The following AFG2A variants were observed in gnomAD, a reference collection of about 807,000 sequenced individuals.
The protein encoded by AFG2A is ATPase family gene 2 protein homolog A.
chr4:122,953,464 C>T, the AFG2A span, among the ~76,000 whole-genome samples: 3 of 152,316 alleles, frequency 2.0e-5, no homozygotes, highest in South Asian at 2.1e-4. Context: ...TATTCTTAGG[C>T]GACCAATATA....
the AFG2A span, among the ~76,000 whole-genome samples, chr4:123,218,301 C>CTT: frequency 2.0e-5 from 3 of 152,080 alleles, no homozygotes; most frequent in African/African-American, 7.2e-5. Flanking sequence ...GAGACTTTTG[C>CTT]TTTATTAAGG....
chr4:123,132,918 C>G, the AFG2A span, among the ~76,000 whole-genome samples: 1 of 151,916 alleles, frequency 6.6e-6, no homozygotes, highest in African/African-American at 2.4e-5. Flanking sequence ...GTAGCTGGGA[C>G]TACAGGCGCC....
chr4:123,163,888 C>G, the AFG2A span, among the ~76,000 whole-genome samples: 2 of 152,210 alleles, frequency 1.3e-5, no homozygotes, highest in African/African-American at 4.8e-5. Flanking sequence ...CTCTCTAAAC[C>G]TTATGTAATA....
At chr4:122,926,955 G>C in the AFG2A span, among the ~76,000 whole-genome samples, 1 of 152,064 alleles carries the variant, frequency 6.6e-6, no homozygotes, top group Non-Finnish European at 1.5e-5. Flanking sequence ...CTATTAACTG[G>C]CAGCACAGAG....
the AFG2A span, among the ~76,000 whole-genome samples, chr4:123,220,893 T>C: frequency 4.0e-5 from 6 of 151,540 alleles, no homozygotes; most frequent in African/African-American, 1.5e-4. Flanking sequence ...ATGAGGTTAA[T>C]TTATGTGGTG....
chr4:123,305,533 A>G, the AFG2A span, among the ~76,000 whole-genome samples: 77 of 152,354 alleles, frequency 5.1e-4, no homozygotes, highest in African/African-American at 1.8e-3. Flanking sequence ...TCAACGCACC[A>G]GAAAAGCCCC....
the AFG2A span, among the ~76,000 whole-genome samples, chr4:123,210,639 T>C: frequency 1.1e-4 from 17 of 152,332 alleles, no homozygotes; most frequent in African/African-American, 3.6e-4. Flanking sequence ...AGTGCTACAA[T>C]AAACATGGGA....
the AFG2A span, among the ~76,000 whole-genome samples, chr4:123,237,480 C>T: frequency 6.6e-6 from 1 of 151,920 alleles, no homozygotes; most frequent in African/African-American, 2.4e-5. Context: ...CAAGACCAGC[C>T]TGGCCAACAT....
the AFG2A span, among the ~76,000 whole-genome samples, chr4:122,975,909 A>G: frequency 6.6e-6 from 1 of 152,280 alleles, no homozygotes; most frequent in South Asian, 2.1e-4. Flanking sequence ...TGCTGTCTTT[A>G]GGAAGCAGGG....
the AFG2A span, among the ~76,000 whole-genome samples, chr4:123,301,625 A>G: frequency 6.6e-6 from 1 of 152,022 alleles, no homozygotes; most frequent in Non-Finnish European, 1.5e-5. Context: ...AAATAATCCT[A>G]TTTTCTTCTC....
the AFG2A span, among the ~76,000 whole-genome samples, chr4:123,060,582 G>T: frequency 0.012 from 1,838 of 152,256 alleles, 42 homozygotes; most frequent in African/African-American, 0.041. Flanking sequence ...GAGCGGCTGG[G>T]ATGCAGGGCA....
chr4:123,213,077 C>T, the AFG2A span, among the ~76,000 whole-genome samples: 1 of 152,168 alleles, frequency 6.6e-6, no homozygotes, highest in South Asian at 2.1e-4. Context: ...GCTATGTCAC[C>T]AGTGGCAGTC....
chr4:122,994,681 G>A, the AFG2A span, among the ~76,000 whole-genome samples: 1 of 151,270 alleles, frequency 6.6e-6, no homozygotes, highest in East Asian at 1.9e-4. Flanking sequence ...CCATTAGAGA[G>A]GTAGTACTCC....
chr4:123,315,055 G>A, the AFG2A span: 1 of 151,002 alleles, frequency 6.6e-6, no homozygotes, highest in African/African-American at 2.4e-5. Flanking sequence ...CATACCTGGA[G>A]AGGTTTTGTG....
the AFG2A span, among the ~76,000 whole-genome samples, chr4:123,151,919 C>T: frequency 6.6e-6 from 1 of 152,100 alleles, no homozygotes; most frequent in African/African-American, 2.4e-5. Context: ...AAATGTGGCA[C>T]ATATACACCA....
At chr4:122,981,782 A>G in the AFG2A span, among the ~76,000 whole-genome samples, 1 of 151,294 alleles carries the variant, frequency 6.6e-6, no homozygotes, top group Admixed American at 6.6e-5. Context: ...TGTAAATGGG[A>G]TTTTCTTTTT....
the AFG2A span, among the ~76,000 whole-genome samples, chr4:123,291,272 C>T: frequency 1.3e-5 from 2 of 152,070 alleles, no homozygotes; most frequent in African/African-American, 4.8e-5. Flanking sequence ...TTCCACCAGT[C>T]AGTATCTTTT....
the AFG2A span, among the ~76,000 whole-genome samples, chr4:122,970,092 C>T: frequency 6.6e-6 from 1 of 152,120 alleles, no homozygotes; most frequent in Non-Finnish European, 1.5e-5. Context: ...ATAGTAATGT[C>T]CTGGGCCTTC....
chr4:123,254,319 T>TC, the AFG2A span, among the ~76,000 whole-genome samples: 3 of 143,690 alleles, frequency 2.1e-5, no homozygotes, highest in African/African-American at 8.2e-5. Context: ...GGGTCAATGT[T>TC]CATTTTTTTC....
Sources: allele counts gnomAD v4.1 joint callset (sites outside exome capture counted in the v4.1 genomes callset), GRCh38; gene constraint gnomAD v4.1.1; transcripts MANE v1.5; gene names NCBI Gene and HGNC (gene_info 2026-07-23, HGNC 2026-07-21).